Variants in CSMD1 observed in about 807,000 individuals in gnomAD.
CSMD1 encodes the protein CUB and Sushi multiple domains 1, also known as CUB and sushi domain-containing protein 1.
A neutral mutation model predicts 417.5 loss-of-function variants in CSMD1; 213 were observed. The observed-to-expected ratio is 0.51, with a 90% CI of 0.46 to 0.57. The LOEUF (loss-of-function observed/expected upper bound fraction) is 0.57. CSMD1 is among the 20% of genes least tolerant of loss of function. CSMD1 has a pLI of 0.00. For missense variants in CSMD1, 6,923 were observed against 4,529.7 expected (o/e 1.53, Z -15.17); for synonymous variants, 2,862 against 1,736.8 (o/e 1.65, Z -16.11).
intron 3 of CSMD1, among the ~76,000 whole-genome samples, chr8:4,088,110 A>G (rs527665324): frequency 4.6e-5 from 7 of 152,358 alleles, no homozygotes; most frequent in African/African-American, 1.7e-4. Context: ...AAGAGGAAGG[A>G]TAGCTGCAGT....
intron 23 of CSMD1, among the ~76,000 whole-genome samples, chr8:3,316,878 C>G (rs894336): frequency 0.47 from 71,919 of 151,746 alleles, 17,819 homozygotes; most frequent in South Asian, 0.58. Context: ...AAGCAATGTG[C>G]AATATGGACA....
At chr8:3,750,564 A>G (rs1797287362) in intron 6 of CSMD1, among the ~76,000 whole-genome samples, 1 of 151,892 alleles carries the variant, frequency 6.6e-6, no homozygotes, top group South Asian at 2.1e-4. Flanking sequence ...TCTTTAATGT[A>G]TTTAGTTCAG....
rs550671624 is a variant in CSMD1 at position 3,549,830 on chromosome 8, C to G, written c.1344+25115G>C. 1.1e-3 allele frequency among the ~76,000 whole-genome samples: 171 copies of G among 152,242 alleles called. 1 individual carries two copies. The highest frequency in any genetic ancestry group is 3.9e-3 in the African/African-American group (162 of 41,560). On this transcript the variant is annotated intron_variant, in intron 10 of 69. Coordinates refer to ENST00000635120, the MANE Select transcript of CSMD1 (RefSeq NM_033225.6). ...CCTTTCTCTATAAACCACCCAATTT[C>G]AGGTATTCTGTTACAAGCAACAGAC...
intron 3 of CSMD1, among the ~76,000 whole-genome samples, chr8:4,127,962 T>C (rs1585375151): frequency 6.6e-6 from 1 of 152,178 alleles, no homozygotes; most frequent in Non-Finnish European, 1.5e-5. Flanking sequence ...CAAAGCCTTG[T>C]GATATTGGTA....
chr8:3,930,055 G>C (rs1387292966), intron 5 of CSMD1, among the ~76,000 whole-genome samples: 1 of 150,374 alleles, frequency 6.7e-6, no homozygotes, highest in East Asian at 2.0e-4. Flanking sequence ...CTGAGAGGGG[G>C]TATGTGTTAC....
At chr8:3,421,423 G>C (rs985414097) in intron 12 of CSMD1, among the ~76,000 whole-genome samples, 4 of 152,218 alleles carry the variant, frequency 2.6e-5, no homozygotes, top group African/African-American at 7.2e-5. Context: ...ATCCCAGGTT[G>C]TGATTAAGAA....
intron 26 of CSMD1, among the ~76,000 whole-genome samples, chr8:3,269,217 T>A (rs979411673): frequency 2.0e-5 from 3 of 152,236 alleles, no homozygotes; most frequent in Non-Finnish European, 2.9e-5. Flanking sequence ...GCAGCTGTCT[T>A]TGGGCCTATG....
chr8:4,157,963 A>G (rs370033093), intron 3 of CSMD1, among the ~76,000 whole-genome samples: 1 of 152,224 alleles, frequency 6.6e-6, no homozygotes, highest in South Asian at 2.1e-4. Flanking sequence ...TTAGCAACGT[A>G]TGCCGAGATT....
At chr8:3,056,237 A>AG (rs1770102237) in intron 49 of CSMD1, among the ~76,000 whole-genome samples, 1 of 152,250 alleles carries the variant, frequency 6.6e-6, no homozygotes, top group African/African-American at 2.4e-5. Context: ...CAAAAAAGTA[A>AG]GTAGAAGAGA....
chr8:3,376,322 G>C (rs1047639664), intron 18 of CSMD1, among the ~76,000 whole-genome samples: 1 of 151,910 alleles, frequency 6.6e-6, no homozygotes, highest in African/African-American at 2.4e-5. Context: ...CAAATGCCAA[G>C]AACAACAAAT....
chr8:4,020,832 C>G (rs919576973), intron 4 of CSMD1, among the ~76,000 whole-genome samples: 6 of 152,188 alleles, frequency 3.9e-5, no homozygotes, highest in Non-Finnish European at 5.9e-5. Flanking sequence ...AGAGTTAGCT[C>G]ACTCTTATCT....
chr8:4,140,315 G>A (rs1803707786), intron 3 of CSMD1, among the ~76,000 whole-genome samples: 1 of 150,896 alleles, frequency 6.6e-6, no homozygotes, highest in Admixed American at 6.6e-5. Flanking sequence ...TGACAAACAT[G>A]GTGAAATCCC....
Position 3,712,398 on chromosome 8 carries a change from GAGACAGACAGACAGAC to G in CSMD1, c.932-3923_932-3908del, listed in dbSNP as rs71203463. Among the ~76,000 whole-genome samples the G allele has an allele frequency of 1.5e-3, 44 of 28,928 alleles. No individual in the cohort carries two copies. In the East Asian group the frequency reaches 0.027, roughly 18 times the overall value. The allele number at this position is 28,928 out of a possible 152,430, so 19.0% of individuals were successfully genotyped here. A position where few individuals can be genotyped will look rare whatever the true frequency, so the allele number is the denominator to read the frequency against. On this transcript the variant is annotated intron_variant, in intron 6 of 69. Coordinates refer to ENST00000635120, the MANE Select transcript of CSMD1 (RefSeq NM_033225.6). ...CAGGAGAGAGAGAGAGAGAGAGAGAGAGACAGACAGACAGACAGACAGACAGACAGACAGACAGACA... is the reference window on the plus strand; with the variant it reads ...CAGGAGAGAGAGAGAGAGAGAGAGAGAGACAGACAGACAGACAGACAGACA...
chr8:3,298,323 C>T (rs1804123391), intron 25 of CSMD1, among the ~76,000 whole-genome samples: 1 of 152,158 alleles, frequency 6.6e-6, no homozygotes, highest in Non-Finnish European at 1.5e-5. Flanking sequence ...CTCCAAACTG[C>T]ATCAGAACCA....
chr8:4,857,017 T>C (rs1408460828), intron 1 of CSMD1, among the ~76,000 whole-genome samples: 1 of 148,674 alleles, frequency 6.7e-6, no homozygotes, highest in Non-Finnish European at 1.5e-5. Flanking sequence ...TACTGGGAAG[T>C]AAAGCTCTCC....
At chr8:4,315,361 G>T (rs1433444205) in intron 3 of CSMD1, among the ~76,000 whole-genome samples, 1 of 152,156 alleles carries the variant, frequency 6.6e-6, no homozygotes, top group Non-Finnish European at 1.5e-5. Context: ...CCAGGTGGCA[G>T]GTACCAGCCT....
At chr8:4,283,828 T>G (rs1407367226) in intron 3 of CSMD1, among the ~76,000 whole-genome samples, 3 of 152,330 alleles carry the variant, frequency 2.0e-5, no homozygotes, top group East Asian at 3.9e-4. Flanking sequence ...AATCCTACTC[T>G]GCCCCAGAAG....
intron 5 of CSMD1, among the ~76,000 whole-genome samples, chr8:3,784,297 A>T (rs1175018822): frequency 1.3e-5 from 2 of 152,212 alleles, no homozygotes; most frequent in Non-Finnish European, 2.9e-5. Flanking sequence ...GATAAATAAT[A>T]TTAAATATAT....
chr8:3,950,102 G>A (rs1017652154), intron 5 of CSMD1: 1 of 429,074 alleles, frequency 2.3e-6, no homozygotes, highest in Non-Finnish European at 4.7e-6. Context: ...TAAAGGCAAT[G>A]ATAATAATAA....
Sources: allele counts gnomAD v4.1 joint callset (sites outside exome capture counted in the v4.1 genomes callset), GRCh38; gene constraint gnomAD v4.1.1; transcripts MANE v1.5; gene names NCBI Gene and HGNC (gene_info 2026-07-23, HGNC 2026-07-21).